The following PITPNC1 variants were observed in gnomAD, a reference collection of about 807,000 sequenced individuals.
The protein encoded by PITPNC1 is cytoplasmic phosphatidylinositol transfer protein 1.
Under a neutral mutation model 44.7 loss-of-function variants are expected in PITPNC1, and 18 were observed. The observed-to-expected ratio is 0.40, with a 90% CI of 0.28 to 0.60. The LOEUF (loss-of-function observed/expected upper bound fraction) is 0.60, where lower values mean the gene tolerates loss of function less well. Ranked by LOEUF, PITPNC1 falls within the 20% of genes least tolerant of loss-of-function variation. The probability of loss-of-function intolerance (pLI) is 0.39; values close to 1 mark genes in which losing one functional copy is unlikely to be tolerated. For missense variants in PITPNC1, 290 were observed against 418.4 expected (o/e 0.69, Z 2.68); for synonymous variants, 141 against 149.6 (o/e 0.94, Z 0.42).
intron 1 of PITPNC1, among the ~76,000 whole-genome samples, chr17:67,439,628 T>TTA (rs199913934): frequency 6.6e-6 from 1 of 152,180 alleles, no homozygotes; most frequent in Non-Finnish European, 1.5e-5. Context: ...AAATGAAAAA[T>TTA]TATATATATT....
At chr17:67,587,354 C>T (rs1471282003) in intron 5 of PITPNC1, among the ~76,000 whole-genome samples, 2 of 151,738 alleles carry the variant, frequency 1.3e-5, no homozygotes, top group Non-Finnish European at 2.9e-5. Context: ...ATTAGCTGGA[C>T]ATGGTGGCAC....
At chr17:67,427,571 G>A (rs1712154904) in intron 1 of PITPNC1, among the ~76,000 whole-genome samples, 1 of 152,178 alleles carries the variant, frequency 6.6e-6, no homozygotes, top group Admixed American at 6.5e-5. Flanking sequence ...GAGTGAGTGA[G>A]CTGGATTTGC....
chr17:67,529,035 G>C (rs2040426677), intron 1 of PITPNC1, among the ~76,000 whole-genome samples: 1 of 151,860 alleles, frequency 6.6e-6, no homozygotes. Context: ...GTCTGGGCTC[G>C]AGTGTCCCGC....
intron 1 of PITPNC1, among the ~76,000 whole-genome samples, chr17:67,527,799 G>C (rs897734413): frequency 8.5e-5 from 13 of 152,166 alleles, no homozygotes; most frequent in African/African-American, 2.9e-4. Context: ...AAGGCCAGGA[G>C]TTGGAGACTA....
At chr17:67,551,241 C>T (rs1245073889) in intron 2 of PITPNC1, among the ~76,000 whole-genome samples, 2 of 152,180 alleles carry the variant, frequency 1.3e-5, no homozygotes, top group African/African-American at 2.4e-5. Context: ...ACCCTGGGAC[C>T]TGTGCCTTTT....
chr17:67,607,363 C>T (rs928266209), intron 5 of PITPNC1, among the ~76,000 whole-genome samples: 3 of 152,192 alleles, frequency 2.0e-5, no homozygotes, highest in African/African-American at 7.2e-5. Context: ...CGGGACTGCC[C>T]CCCTTGGGCT....
At chr17:67,613,895 C>T (rs1173019603) in intron 5 of PITPNC1, 1 of 115,622 alleles carries the variant, frequency 8.6e-6, no homozygotes, top group Admixed American at 1.3e-4. Flanking sequence ...GAGTTCGAAA[C>T]CAGTCTGGGC....
At chr17:67,416,203 CT>C (rs71687631) in intron 1 of PITPNC1, among the ~76,000 whole-genome samples, 749 of 67,572 alleles carry the variant, frequency 0.011, 4 homozygotes, top group African/African-American at 0.042. Context: ...ACATGTATTG[CT>C]TTTTTTTTTT....
intron 5 of PITPNC1, among the ~76,000 whole-genome samples, chr17:67,619,474 C>A (rs2041802725): frequency 6.6e-6 from 1 of 152,110 alleles, no homozygotes. Context: ...TTCTTGGCCC[C>A]CCAAGGACCC....
At chr17:67,421,312 C>T (rs1052689164) in intron 1 of PITPNC1, among the ~76,000 whole-genome samples, 8 of 152,100 alleles carry the variant, frequency 5.3e-5, no homozygotes, top group South Asian at 4.1e-4. Context: ...GATGGTGTTT[C>T]GCTCTTGTCA....
chr17:67,650,310 G>A (rs745508228), intron 6 of PITPNC1, among the ~76,000 whole-genome samples: 33 of 152,086 alleles, frequency 2.2e-4, no homozygotes, highest in Admixed American at 5.2e-4. Flanking sequence ...ACTTGAAAAC[G>A]TTAGCTCCTA....
rs1466657415 is a variant in PITPNC1, at chr17:67,697,120, CAA to C, written c.*4235_*4236del. On this transcript the variant is annotated 3_prime_UTR_variant, in exon 9 of 9. Coordinates refer to ENST00000581322, the MANE Select transcript of PITPNC1 (RefSeq NM_012417.4). Reference sequence around the variant, plus strand: ...CATTACAGACTATAAGCAAAGCAAACAAAAGTTGATCCTTACATATGCCATCC... The same window carrying C: ...CATTACAGACTATAAGCAAAGCAAACAAGTTGATCCTTACATATGCCATCC... The C allele has an allele frequency of 1.3e-5, 2 of 151,498 alleles. No homozygotes were observed. Among genetic ancestry groups the C allele is most frequent in the Non-Finnish European group, 2.9e-5 (2 of 67,878 alleles). 9.4% of individuals were successfully genotyped at this position (151,498 alleles called of 1,614,324 possible).
At chr17:67,488,128 G>T (rs760477575) in intron 1 of PITPNC1, among the ~76,000 whole-genome samples, 1 of 152,338 alleles carries the variant, frequency 6.6e-6, no homozygotes, top group Middle Eastern at 3.4e-3. Flanking sequence ...TGAAAGGTAA[G>T]TCCCTCTTTA....
intron 5 of PITPNC1, among the ~76,000 whole-genome samples, chr17:67,581,335 A>G (rs933095428): frequency 6.6e-6 from 1 of 152,200 alleles, no homozygotes; most frequent in African/African-American, 2.4e-5. Context: ...CCTATCACCT[A>G]TTCACTCTGT....
intron 5 of PITPNC1, among the ~76,000 whole-genome samples, chr17:67,619,070 A>G (rs1369853059): frequency 6.6e-6 from 1 of 152,088 alleles, no homozygotes; most frequent in Non-Finnish European, 1.5e-5. Context: ...AAAAAATAAA[A>G]AATAAAAATA....
intron 1 of PITPNC1, among the ~76,000 whole-genome samples, chr17:67,384,741 A>G (rs965116097): frequency 3.3e-4 from 50 of 152,294 alleles, no homozygotes; most frequent in Middle Eastern, 3.4e-3. Context: ...TCAGTTTTAA[A>G]CCATTTTCCT....
In PITPNC1 at chr17:67,444,756, G is replaced by T. The variant is rs186006124; in HGVS notation, c.48+66554G>T. Among the ~76,000 whole-genome samples the T allele has an allele frequency of 1.2e-4, 18 of 152,140 alleles. No homozygotes were observed. The East Asian group carries it at 3.5e-3, about 29-fold the overall frequency. On this transcript the variant is annotated intron_variant, in intron 1 of 8. Transcript: ENST00000581322. ...TACTAAAAATACAAAAATTAGCCGA[G>T]CGTGGTGGCATGTGCCTGTAATCCC...
At chr17:67,488,717 C>T (rs529544047) in intron 1 of PITPNC1, among the ~76,000 whole-genome samples, 1 of 152,330 alleles carries the variant, frequency 6.6e-6, no homozygotes, top group East Asian at 1.9e-4. Flanking sequence ...TGTGCCTGTT[C>T]AGTGGTAACT....
intron 1 of PITPNC1, among the ~76,000 whole-genome samples, chr17:67,460,680 G>A (rs1201846394): frequency 6.8e-6 from 1 of 148,146 alleles, no homozygotes; most frequent in Non-Finnish European, 1.5e-5. Context: ...CTCCCAAAGT[G>A]TTGGGATTAC....
Sources: allele counts gnomAD v4.1 joint callset (sites outside exome capture counted in the v4.1 genomes callset), GRCh38; gene constraint gnomAD v4.1.1; transcripts MANE v1.5; gene names NCBI Gene and HGNC (gene_info 2026-07-23, HGNC 2026-07-21).